The following SEMA3C variants were observed in gnomAD, a reference collection of about 807,000 sequenced individuals.
The protein encoded by SEMA3C is semaphorin-3C.
A neutral mutation model predicts 89.4 loss-of-function variants in SEMA3C; 47 were observed. The observed-to-expected ratio is 0.53, with a 90% CI of 0.42 to 0.67. The LOEUF (loss-of-function observed/expected upper bound fraction) is 0.67, where lower values mean the gene tolerates loss of function less well. Among genes scored for constraint, SEMA3C ranks in the 30% least tolerant of loss-of-function variants. SEMA3C has a pLI of 0.00. For synonymous variants in SEMA3C, 310 were observed against 320.2 expected, an observed-to-expected ratio of 0.97 and a Z score of 0.34; for missense variants, 839 against 929.1, an observed-to-expected ratio of 0.90 and a Z score of 1.26.
chr7:80,803,995 G>A, intron 8 of SEMA3C, 111 bp downstream of exon 8: 1 of 914,900 alleles, frequency 1.1e-6, no homozygotes, highest in East Asian at 2.7e-5. Flanking sequence ...TACATTAAAT[G>A]CTTCCCTCAA....
At chr7:80,757,386 A>G (rs564052267) in intron 15 of SEMA3C, among the ~76,000 whole-genome samples, 12 of 152,332 alleles carry the variant, frequency 7.9e-5, no homozygotes, top group African/African-American at 2.9e-4. Flanking sequence ...ACTTGGTACA[A>G]GTCGATGCAG....
At chr7:80,836,717 C>A (rs962194934) in intron 2 of SEMA3C, among the ~76,000 whole-genome samples, 18 of 142,140 alleles carry the variant, frequency 1.3e-4, no homozygotes, top group Non-Finnish European at 2.7e-4. Context: ...CAAACAAAAA[C>A]AGACAGACAG....
chr7:80,892,805 A>G (rs1306933739), intron 2 of SEMA3C, among the ~76,000 whole-genome samples: 2 of 152,168 alleles, frequency 1.3e-5, no homozygotes, highest in African/African-American at 4.8e-5. Context: ...AAAGGTTGGA[A>G]CATGTGGTTG....
chr7:80,783,566 T>C (rs1031759029), intron 12 of SEMA3C, among the ~76,000 whole-genome samples: 16 of 152,216 alleles, frequency 1.1e-4, no homozygotes, highest in African/African-American at 3.6e-4. Flanking sequence ...CACACACAAC[T>C]TCTAGCTGAC....
intron 4 of SEMA3C, among the ~76,000 whole-genome samples, chr7:80,824,524 T>A (rs1037929915): frequency 2.0e-5 from 3 of 152,162 alleles, no homozygotes; most frequent in African/African-American, 7.2e-5. Flanking sequence ...AGGGTACAAC[T>A]TTTTCGAATT....
At chr7:80,804,910 C>T (rs142573974) in intron 7 of SEMA3C, among the ~76,000 whole-genome samples, 5 of 152,204 alleles carry the variant, frequency 3.3e-5, no homozygotes, top group African/African-American at 9.6e-5. Flanking sequence ...TGAATTGCCA[C>T]ATTTAGGGTC....
At chr7:80,804,309 C>T in intron 7 of SEMA3C, 61 bp from the exon 8 acceptor site, 3 of 1,241,338 alleles carry the variant, frequency 2.4e-6, no homozygotes, top group Non-Finnish European at 2.2e-6. Flanking sequence ...TTCTGTCATC[C>T]AAGTAGACCA....
At chr7:80,812,862 C>T (rs537196017) in intron 5 of SEMA3C, among the ~76,000 whole-genome samples, 7 of 151,902 alleles carry the variant, frequency 4.6e-5, no homozygotes, top group South Asian at 2.1e-4. Context: ...TCTCGGCTTA[C>T]GGCAACCTCC....
At chr7:80,861,145 G>GA (rs1790762080) in intron 2 of SEMA3C, among the ~76,000 whole-genome samples, 1 of 151,710 alleles carries the variant, frequency 6.6e-6, no homozygotes, top group Non-Finnish European at 1.5e-5. Flanking sequence ...TAAAACGCAT[G>GA]AAAAAAATGT....
Position 80,914,989 on chromosome 7 carries a change from C to T in SEMA3C, c.103+1690G>A, listed in dbSNP as rs143454205. 1.4e-3 allele frequency among the ~76,000 whole-genome samples: 220 copies of T among 152,236 alleles called. 1 individual carries two copies. In the East Asian group the frequency reaches 0.02, roughly 14 times the overall value. On this transcript the variant is annotated intron_variant, in intron 2 of 17. Transcript: ENST00000265361. Reference sequence around the variant, plus strand: ...AATTGGTTCATTATCTCTAGTAACACACTTTTTGTTGATATTTACATTAGT... The same window carrying T: ...AATTGGTTCATTATCTCTAGTAACATACTTTTTGTTGATATTTACATTAGT...
At chr7:80,816,731 G>A (rs1210122437) in intron 5 of SEMA3C, among the ~76,000 whole-genome samples, 1 of 152,164 alleles carries the variant, frequency 6.6e-6, no homozygotes, top group Non-Finnish European at 1.5e-5. Flanking sequence ...TTATTTCAGA[G>A]ATTCATTAAT....
At chr7:80,921,569 G>A (rs1792409738), upstream of SEMA3C, among the ~76,000 whole-genome samples, 1 of 152,166 alleles carries the variant, frequency 6.6e-6, no homozygotes, top group African/African-American at 2.4e-5. Context: ...CCTTACAAGT[G>A]GAAAACAACA....
intron 2 of SEMA3C, among the ~76,000 whole-genome samples, chr7:80,850,436 G>T (rs1386208183): frequency 6.6e-6 from 1 of 152,022 alleles, no homozygotes; most frequent in Non-Finnish European, 1.5e-5. Flanking sequence ...CAATAAAAAA[G>T]AATTAATTAC....
chr7:80,877,906 C>T lies in SEMA3C; in HGVS notation c.103+38773G>A, dbSNP rs532507615. 6.6e-5 allele frequency among the ~76,000 whole-genome samples: 10 copies of T among 152,292 alleles called. No homozygotes were observed. The South Asian group carries it at 2.1e-3, about 32-fold the overall frequency. ...GCAAAACTCCTCCCAGGTGATTCCA[C>T]ATCATGAATTCCCACTCAAGGTGAG... On this transcript the variant is annotated intron_variant, in intron 2 of 17. Coordinates refer to ENST00000265361, the MANE Select transcript of SEMA3C (RefSeq NM_006379.5).
chr7:80,811,465 C>T (rs2115720941), intron 5 of SEMA3C, among the ~76,000 whole-genome samples: 1 of 151,948 alleles, frequency 6.6e-6, no homozygotes. Context: ...TGGTTTTAGC[C>T]TCACCAAGAA....
intron 2 of SEMA3C, among the ~76,000 whole-genome samples, chr7:80,873,414 T>C (rs542201625): frequency 6.6e-6 from 1 of 152,334 alleles, no homozygotes; most frequent in African/African-American, 2.4e-5. Context: ...ATGACAATGA[T>C]GATGACGATG....
In SEMA3C at chr7:80,758,386, G is replaced by A; in HGVS notation, c.1588C>T (p.Pro530Ser). 6.2e-7 allele frequency: 1 copy of A among 1,614,020 alleles called. No homozygotes were observed. The highest frequency in any genetic ancestry group is 8.5e-7 in the Non-Finnish European group (1 of 1,179,994). ...ACADCCLARD[P>S]YCAWDGHSCS... ...GAATGGCCATCCCAGGCGCAATAAGGGTCCCGCGCCAGGCAGCAGTCAGCA... is the reference window on the plus strand; with the variant it reads ...GAATGGCCATCCCAGGCGCAATAAGAGTCCCGCGCCAGGCAGCAGTCAGCA... The change falls in exon 15 of 18, where the codon CCT becomes TCT. Residue 530 changes from proline to serine, a missense_variant. Physicochemically the swap from Pro to Ser is moderately conservative, Grantham distance 74. Coordinates refer to ENST00000265361, the MANE Select transcript of SEMA3C (RefSeq NM_006379.5).
chr7:80,867,155 T>C (rs1467229667), intron 2 of SEMA3C, among the ~76,000 whole-genome samples: 1 of 152,240 alleles, frequency 6.6e-6, no homozygotes, highest in African/African-American at 2.4e-5. Context: ...TTCTGATTAA[T>C]GGTTGTAGAA....
intron 2 of SEMA3C, among the ~76,000 whole-genome samples, chr7:80,872,797 C>CAAAAA (rs1218885274): frequency 5.0e-5 from 2 of 40,086 alleles, no homozygotes; most frequent in East Asian, 5.2e-4. Context: ...GAGACTCTGT[C>CAAAAA]AAAAAAAAAA....
Sources: gnomAD v4.1 joint callset for allele counts (sites outside exome capture counted in the v4.1 genomes callset) on GRCh38, gnomAD v4.1.1 for gene constraint, MANE v1.5 for transcripts, NCBI Gene and HGNC (gene_info 2026-07-23, HGNC 2026-07-21) for gene names.